Variants in TMEM132B observed in about 807,000 individuals in gnomAD.
TMEM132B encodes the protein transmembrane protein 132B.
TMEM132B carries 18 observed loss-of-function variants against 90.8 expected under a neutral mutation model. That is an observed-to-expected ratio of 0.20 (90% CI 0.14 to 0.29). TMEM132B has a LOEUF of 0.29. Ranked by LOEUF, TMEM132B falls within the 10% of genes least tolerant of loss-of-function variation. The pLI, the probability that TMEM132B is intolerant of heterozygous loss-of-function variation, is 1.00. For synonymous variants in TMEM132B, 504 were observed against 523.3 expected (o/e 0.96, Z 0.50); for missense variants, 1,096 against 1,326.8 (o/e 0.83, Z 2.70).
intron 4 of TMEM132B, among the ~76,000 whole-genome samples, chr12:125,520,181 T>C (rs912430646): frequency 6.6e-6 from 1 of 152,208 alleles, no homozygotes; most frequent in Non-Finnish European, 1.5e-5. Flanking sequence ...CTGGGCTTGG[T>C]TGAAGTTACG....
intron 3 of TMEM132B, among the ~76,000 whole-genome samples, chr12:125,450,205 A>G (rs1881113028): frequency 6.6e-6 from 1 of 152,176 alleles, no homozygotes; most frequent in African/African-American, 2.4e-5. Context: ...CTTCCCTTTT[A>G]AAAGTAGAGA....
At chr12:125,206,530 C>T (rs1047809593) in intron 1 of TMEM132B, among the ~76,000 whole-genome samples, 5 of 152,094 alleles carry the variant, frequency 3.3e-5, no homozygotes, top group African/African-American at 1.2e-4. Flanking sequence ...GAACTACTGC[C>T]CCTGGTCTGA....
chr12:125,332,621 G>A (rs35858372), intron 1 of TMEM132B, among the ~76,000 whole-genome samples: 6 of 94,730 alleles, frequency 6.3e-5, no homozygotes, highest in Middle Eastern at 0.011. Flanking sequence ...TTTTTTTTAA[G>A]ACAGTAGAGT....
intron 3 of TMEM132B, among the ~76,000 whole-genome samples, chr12:125,431,636 G>A (rs745852093): frequency 2.6e-5 from 4 of 152,164 alleles, no homozygotes; most frequent in Non-Finnish European, 5.9e-5. Context: ...GAAAACCCAC[G>A]ATTGGGAAGA....
intron 5 of TMEM132B, 70 bp downstream of exon 5, chr12:125,584,064 A>G (rs1885120317): frequency 6.2e-7 from 1 of 1,607,930 alleles, no homozygotes; most frequent in South Asian, 1.1e-5. Flanking sequence ...TTTGTCTCCA[A>G]GGTCTTGTTC....
rs141997608 is a variant in TMEM132B, at chr12:125,617,445, G to C, written c.1438-26631G>C. Among the ~76,000 whole-genome samples the C allele has an allele frequency of 5.5e-3, 823 of 150,808 alleles. 41 individuals carry two copies. In the East Asian group the frequency reaches 0.11, roughly 21 times the overall value. ...ACCACAACCTCCACCTCCTGGGTTC[G>C]AGCAATTCTCCTGCCTCAGCCTCCC... On this transcript the variant is annotated intron_variant, in intron 5 of 8. Coordinates refer to ENST00000682704, the MANE Select transcript of TMEM132B (RefSeq NM_001366854.1).
intron 5 of TMEM132B, among the ~76,000 whole-genome samples, chr12:125,602,006 A>C (rs1885583977): frequency 6.6e-6 from 1 of 152,192 alleles, no homozygotes; most frequent in South Asian, 2.1e-4. Context: ...AGAACCAGAC[A>C]GATTCACAGC....
At chr12:125,515,295 CTCAT>C (rs1490512608) in intron 3 of TMEM132B, among the ~76,000 whole-genome samples, 1 of 151,742 alleles carries the variant, frequency 6.6e-6, no homozygotes, top group East Asian at 2.0e-4. Flanking sequence ...CTCTCACACA[CTCAT>C]ACACACTATT....
intron 1 of TMEM132B, among the ~76,000 whole-genome samples, chr12:125,197,239 C>A (rs774817321): frequency 1.3e-5 from 2 of 152,126 alleles, no homozygotes; most frequent in Non-Finnish European, 2.9e-5. Context: ...GAAAAAAATT[C>A]TTCCTCTGTT....
intron 1 of TMEM132B, among the ~76,000 whole-genome samples, chr12:125,330,058 G>A (rs972580776): frequency 6.6e-6 from 1 of 152,356 alleles, no homozygotes; most frequent in South Asian, 2.1e-4. Context: ...GACGATCTGT[G>A]TCACGCTGGA....
intron 3 of TMEM132B, among the ~76,000 whole-genome samples, chr12:125,483,136 C>T (rs1882096614): frequency 6.6e-6 from 1 of 151,982 alleles, no homozygotes. Flanking sequence ...AGGAGAAATA[C>T]CTAATGTAAA....
intron 3 of TMEM132B, among the ~76,000 whole-genome samples, chr12:125,503,480 G>A (rs1882750894): frequency 6.6e-6 from 1 of 152,174 alleles, no homozygotes; most frequent in Non-Finnish European, 1.5e-5. Context: ...GGATCTCATC[G>A]TTATTTGAAA....
chr12:125,226,148 A>G (rs1282640076), intron 1 of TMEM132B, among the ~76,000 whole-genome samples: 2 of 152,218 alleles, frequency 1.3e-5, no homozygotes, highest in Admixed American at 6.5e-5. Flanking sequence ...CAGCAGCAGC[A>G]TCAACTCCCC....
intron 3 of TMEM132B, among the ~76,000 whole-genome samples, chr12:125,477,662 T>A (rs1438711279): frequency 6.6e-6 from 1 of 152,194 alleles, no homozygotes; most frequent in Non-Finnish European, 1.5e-5. Flanking sequence ...TATCTGGGTA[T>A]TTTGGATTTT....
intron 1 of TMEM132B, among the ~76,000 whole-genome samples, chr12:125,228,039 AATC>A (rs1873720842): frequency 6.6e-6 from 1 of 152,192 alleles, no homozygotes; most frequent in African/African-American, 2.4e-5. Context: ...TGCTTCCTGG[AATC>A]ATCTCCAAAT....
intron 4 of TMEM132B, among the ~76,000 whole-genome samples, chr12:125,582,814 A>T (rs1885085292): frequency 6.6e-6 from 1 of 151,564 alleles, no homozygotes; most frequent in Non-Finnish European, 1.5e-5. Context: ...AGCTGTTTTT[A>T]TTATCCCCGT....
At chr12:125,279,516 C>G (rs1282552868) in intron 1 of TMEM132B, among the ~76,000 whole-genome samples, 2 of 152,162 alleles carry the variant, frequency 1.3e-5, no homozygotes, top group Non-Finnish European at 2.9e-5. Context: ...GGCACTGAGT[C>G]TCTGATGGGC....
At chr12:125,359,124 C>T (rs540280838) in intron 2 of TMEM132B, among the ~76,000 whole-genome samples, 2 of 152,282 alleles carry the variant, frequency 1.3e-5, no homozygotes, top group East Asian at 3.9e-4. Context: ...GCACATGGCC[C>T]CCACATCTCT....
rs1398228079 is a variant in TMEM132B, at chr12:125,186,495, G to A, written c.-305G>A. ...GGCGCTGGGGCGCAGGAGCCGCGGC[G>A]GCGGCGGCGGCGGGGGCCGCGCAAC... On this transcript the variant is annotated 5_prime_UTR_variant, in exon 1 of 9. Transcript: ENST00000682704. This position sits in a 1 kb window ranked among gnomAD's most constrained non-coding sequence, Gnocchi z 6.3. 4.1e-5 allele frequency among the ~76,000 whole-genome samples: 6 copies of A among 146,338 alleles called. No individual in the cohort carries two copies. The highest frequency in any genetic ancestry group is 7.3e-5 in the African/African-American group (3 of 40,828).
Sources: gnomAD v4.1 joint callset for allele counts (sites outside exome capture counted in the v4.1 genomes callset) on GRCh38, gnomAD v4.1.1 for gene constraint, Gnocchi (gnomAD v3.1) non-coding constraint, MANE v1.5 for transcripts, NCBI Gene and HGNC (gene_info 2026-07-23, HGNC 2026-07-21) for gene names.